The following COL4A6 variants were observed in gnomAD, a reference collection of about 807,000 sequenced individuals.
COL4A6 encodes the protein collagen alpha-6(IV) chain.
COL4A6 carries 59 observed loss-of-function variants against 126.7 expected under a neutral mutation model. The ratio of observed to expected loss-of-function variants is 0.47; its 90% CI spans 0.38 to 0.58. COL4A6 has a LOEUF of 0.58. Ranked by LOEUF, COL4A6 falls within the 20% of genes least tolerant of loss-of-function variation. The pLI is 0.00. For missense variants in COL4A6, 1,285 were observed against 1,337.3 expected (o/e 0.96, Z 0.61); for synonymous variants, 547 against 496.6 (o/e 1.10, Z -1.35).
At chrX:108,206,313 C>A (rs1437298092) in intron 9 of COL4A6, 2 of 538,073 alleles carry the variant, frequency 3.7e-6, no homozygotes, top group Admixed American at 4.6e-5. Flanking sequence ...TTTAGAGGCA[C>A]AGATTGGATG....
intron 3 of COL4A6, chrX:108,268,945 G>A: frequency 3.8e-6 from 1 of 264,397 alleles, no homozygotes; most frequent in Non-Finnish European, 7.2e-6. Context: ...CCATCATAGA[G>A]GCCACTTGCT....
chrX:108,343,051 A>C (rs915265986), intron 2 of COL4A6, among the ~76,000 whole-genome samples: 1 of 104,151 alleles, frequency 9.6e-6, no homozygotes, highest in African/African-American at 3.5e-5. Context: ...TATGAAGTTC[A>C]GTTTTTATCA....
At chrX:108,258,081 A>G (rs1351059108) in intron 3 of COL4A6, among the ~76,000 whole-genome samples, 1 of 111,010 alleles carries the variant, frequency 9.0e-6, no homozygotes, top group Non-Finnish European at 1.9e-5. Flanking sequence ...TTCAGGAGGG[A>G]CCTCCCCCAA....
Position 108,170,916 on chromosome X carries a change from G to A in COL4A6, c.3279C>T (p.Gly1093=), listed in dbSNP as rs777095076. ...CTATTAGTCCATCTCTTCCTTTTGT[G>A]CCTATAAAACCAAGAAAAATGCTGA... is the stretch of plus-strand genomic sequence containing the variant. ...KGQPGESGFK[G]TKGRDGLIGN... Residue 1093 remains glycine, a splice_region_variant and synonymous_variant, in exon 34 of 45, where the codon GGC becomes GGT. Transcript: ENST00000334504. 8.3e-7 allele frequency: 1 copy of A among 1,204,806 alleles called. No individual in the cohort carries two copies. The highest frequency in any genetic ancestry group is 1.8e-5 in the South Asian group (1 of 56,817).
chrX:108,195,173 G>A (rs1296209639), intron 14 of COL4A6, 47 bp from the exon 15 acceptor site: 1 of 1,014,301 alleles, frequency 9.9e-7, no homozygotes, highest in African/African-American at 1.9e-5. Context: ...AGGCTACCTA[G>A]AAAAAGCCAC....
chrX:108,191,700 C>T (rs1416578492), intron 18 of COL4A6, among the ~76,000 whole-genome samples, 167 bp from the exon 19 acceptor site: 1 of 111,882 alleles, frequency 8.9e-6, no homozygotes, highest in Non-Finnish European at 1.9e-5. Context: ...TTAGCCTAAC[C>T]TCTTGGGAAA....
intron 3 of COL4A6, among the ~76,000 whole-genome samples, chrX:108,244,786 C>T (rs2036668987): frequency 9.0e-6 from 1 of 111,571 alleles, no homozygotes; most frequent in Non-Finnish European, 1.9e-5. Flanking sequence ...CTAACAATTT[C>T]CTAAGGTTCA....
At chrX:108,304,420 C>T (rs779919281) in intron 3 of COL4A6, among the ~76,000 whole-genome samples, 2 of 111,267 alleles carry the variant, frequency 1.8e-5, no homozygotes, top group African/African-American at 6.5e-5. Flanking sequence ...TTTTCTACCC[C>T]GTCCTTTACT....
intron 3 of COL4A6, among the ~76,000 whole-genome samples, chrX:108,308,502 C>T (rs574221001): frequency 4.7e-4 from 53 of 111,887 alleles, no homozygotes; most frequent in African/African-American, 1.5e-3. Flanking sequence ...TGTATCTTTG[C>T]AGAGGTAAAG....
At position 108,397,026 on chromosome X, in the gene COL4A6, T is replaced by A. The variant is rs536131077; in HGVS notation, c.63+40916A>T. Reference sequence around the variant, plus strand: ...CCTCTCCATGCAGGTTACAACATTATTGAGAACAGAAACCTTGTCTTACAC... The same window carrying A: ...CCTCTCCATGCAGGTTACAACATTAATGAGAACAGAAACCTTGTCTTACAC... On this transcript the variant is annotated intron_variant, in intron 2 of 44. Coordinates refer to ENST00000334504, the MANE Select transcript of COL4A6 (RefSeq NM_033641.4). Among the ~76,000 whole-genome samples the A allele has an allele frequency of 4.9e-4, 55 of 112,022 alleles. 1 individual carries two copies. The South Asian group carries it at 0.012, about 24-fold the overall frequency.
chrX:108,280,354 T>C (rs1483059293), intron 3 of COL4A6, among the ~76,000 whole-genome samples: 2 of 111,641 alleles, frequency 1.8e-5, no homozygotes, highest in Non-Finnish European at 3.8e-5. Context: ...CATCAGAGAA[T>C]ACTACAAACA....
At chrX:108,202,631 G>C (rs2035418312) in intron 13 of COL4A6, among the ~76,000 whole-genome samples, 1 of 111,715 alleles carries the variant, frequency 9.0e-6, no homozygotes, top group Non-Finnish European at 1.9e-5. Flanking sequence ...GAAAAGTTAA[G>C]AAACTTATCC....
In COL4A6 at chrX:108,159,482, T is replaced by C. The variant is rs775751674; in HGVS notation, c.4792A>G (p.Ile1598Val). The change falls in exon 44 of 45, where the codon ATT becomes GTT. Residue 1598 changes from isoleucine (I) to valine (V), a missense_variant. Transcript: ENST00000334504. ...QCPLGWRSLW[I>V]GYSFLMHTAA... is the part of the protein sequence containing the mutation. The stretch of plus-strand genomic sequence containing the variant: ...CTTACCATGAGGAAAGAGTACCCAA[T>C]CCAGAGGCTGCGCCAGCCCAGGGGG... 3 of 1,211,899 alleles carry C rather than the reference T, an allele frequency of 2.5e-6. No homozygotes were observed. Among genetic ancestry groups the C allele is most frequent in the East Asian group, 5.9e-5 (2 of 33,843 alleles).
At chrX:108,212,755 G>T (rs1225421089) in intron 6 of COL4A6, among the ~76,000 whole-genome samples, 1 of 111,167 alleles carries the variant, frequency 9.0e-6, no homozygotes, top group Non-Finnish European at 1.9e-5. Flanking sequence ...TGATCTGTTT[G>T]GTATTCAGCA....
intron 2 of COL4A6, among the ~76,000 whole-genome samples, chrX:108,380,474 C>T (rs2040538885): frequency 8.9e-6 from 1 of 112,326 alleles, no homozygotes; most frequent in Non-Finnish European, 1.9e-5. Context: ...ACTGGATACA[C>T]ATTGAACCTA....
chrX:108,401,793 A>T (rs1273807141), intron 2 of COL4A6, among the ~76,000 whole-genome samples: 1 of 111,378 alleles, frequency 9.0e-6, no homozygotes, highest in African/African-American at 3.2e-5. Flanking sequence ...AAAATGTTTC[A>T]TCCACTATGG....
intron 2 of COL4A6, among the ~76,000 whole-genome samples, chrX:108,396,350 C>T (rs1396232303): frequency 9.0e-6 from 1 of 111,414 alleles, no homozygotes. Flanking sequence ...CAAGGCCTCC[C>T]AAGAATGAAT....
Position 108,160,552 on chromosome X carries a change from G to A in COL4A6, c.4436C>T (p.Pro1479Leu), listed in dbSNP as rs779097347. Residue 1479 changes from proline to leucine, a missense_variant, in exon 43 of 45, where the codon CCC (proline) becomes CTC (leucine). Transcript: ENST00000334504. The part of the protein sequence containing the change: ...LVKHSQSEQV[P>L]PCPIGMSQLW... The stretch of plus-strand genomic sequence containing the variant: ...CTGGCTCATCCCGATGGGACACGGG[G>A]GCACCTGTTCCGACTGGCTGTGCTT... 5.0e-6 allele frequency: 6 copies of A among 1,209,942 alleles called. No homozygotes were observed. In the South Asian group the frequency reaches 8.8e-5, roughly 18 times the overall value.
intron 2 of COL4A6, among the ~76,000 whole-genome samples, chrX:108,398,597 G>A (rs993539828): frequency 3.6e-5 from 4 of 110,591 alleles, no homozygotes; most frequent in Admixed American, 9.7e-5. Flanking sequence ...CTTATGATTC[G>A]TGCACTTTTC....
Sources: allele counts gnomAD v4.1 joint callset (sites outside exome capture counted in the v4.1 genomes callset), GRCh38; gene constraint gnomAD v4.1.1; transcripts MANE v1.5; gene names NCBI Gene and HGNC (gene_info 2026-07-23, HGNC 2026-07-21).